Variants in POLRMT observed in about 807,000 individuals in gnomAD.
POLRMT encodes the protein RNA polymerase mitochondrial.
POLRMT carries 114 observed loss-of-function variants against 132.2 expected under a neutral mutation model. The ratio of observed to expected loss-of-function variants is 0.86; its 90% CI spans 0.74 to 1.01. POLRMT has a LOEUF of 1.01. POLRMT is among the 50% of genes least tolerant of loss of function. POLRMT has a pLI of 0.00. For missense variants in POLRMT, 2,003 were observed against 1,729.1 expected (o/e 1.16, Z -2.81); for synonymous variants, 1,020 against 773.4 (o/e 1.32, Z -5.29).
chr19:624,418 C>T (rs1568171571), intron 5 of POLRMT, among the ~76,000 whole-genome samples: 1 of 152,180 alleles, frequency 6.6e-6, no homozygotes. Flanking sequence ...AATTACACCT[C>T]AGTAACAGAC....
chr19:617,469 ATCT>A lies in POLRMT; in HGVS notation c.3590_3592del (p.Lys1197del), dbSNP rs774949234. The A allele has an allele frequency of 2.5e-6, 4 of 1,603,660 alleles. No homozygotes were observed. Among genetic ancestry groups the A allele is most frequent in the South Asian group, 2.2e-5 (2 of 90,834 alleles). ...CTCCTTCAGCTGGCTGGCCTCCAAG[ATCT>A]TCTGGGGCCTGGGGTTGGAAGCAGG... is the stretch of plus-strand genomic sequence containing the variant. On this transcript the variant is annotated inframe_deletion, in exon 20 of 21. Transcript: ENST00000588649.
intron 5 of POLRMT, among the ~76,000 whole-genome samples, chr19:624,274 A>G (rs1180100088): frequency 6.6e-6 from 1 of 151,864 alleles, no homozygotes; most frequent in African/African-American, 2.4e-5. Flanking sequence ...TCATCCACAG[A>G]TGGGGAGGGG....
In POLRMT at chr19:621,630, T is replaced by C; in HGVS notation, c.2068A>G (p.Thr690Ala). ...GCGTCCAGTGCGCCATGCAGCGCGG[T>C]GGGCGGGCAGGTTTCCAGCAGCTCC... The part of the protein sequence containing the change: ...HQELLETCPP[T>A]ALHGALDALT... The change falls in exon 10 of 21, where the codon ACC (threonine) becomes GCC (alanine). Residue 690 changes from threonine (T) to alanine (A), a missense_variant. By Grantham distance (58) the Thr-to-Ala change is moderately conservative (BLOSUM62 0). Coordinates refer to ENST00000588649, the MANE Select transcript of POLRMT (RefSeq NM_005035.4). The C allele has an allele frequency of 4.6e-6, 7 of 1,528,164 alleles. No individual in the cohort carries two copies. Among genetic ancestry groups the C allele is most frequent in the Non-Finnish European group, 3.5e-6 (4 of 1,140,612 alleles). 94.7% of individuals were successfully genotyped at this position (1,528,164 alleles called of 1,614,324 possible). A position where few individuals can be genotyped will look rare whatever the true frequency, so the allele number is the denominator to read the frequency against.
intron 5 of POLRMT, 83 bp from the exon 6 acceptor site, chr19:623,686 G>T: frequency 6.8e-7 from 1 of 1,481,060 alleles, no homozygotes; most frequent in Non-Finnish European, 9.2e-7. Context: ...ATGGGTGCAC[G>T]CGTTTCTGCG....
rs1307232157 is a variant in POLRMT at position 617,777 on chromosome 19, C to T, written c.3495G>A (p.Gln1165=). 1 of 1,613,316 alleles carries T rather than the reference C, an allele frequency of 6.2e-7. No homozygotes were observed. Among genetic ancestry groups the T allele is most frequent in the African/African-American group, 1.3e-5 (1 of 75,024 alleles). The change falls in exon 18 of 21, where the codon CAG becomes CAA. Residue 1165 remains glutamine (Q), a splice_region_variant and synonymous_variant. Transcript: ENST00000588649. The stretch of plus-strand genomic sequence containing the variant: ...ACTGAGGCTCAGACTACGGGGGCAC[C>T]TGGTTCATGACGGAGACATCAGCTG... ...THAADVSVMN[Q]VCREQFVRLH... is the part of the protein sequence containing the mutation.
chr19:619,887 C>T (rs1984368277), intron 12 of POLRMT, 71 bp downstream of exon 12: 1 of 1,590,714 alleles, frequency 6.3e-7, no homozygotes, highest in Non-Finnish European at 8.5e-7. Flanking sequence ...GGTGAGGGCA[C>T]CTGGGGCCGA....
chr19:632,201 C>G (rs960797694), intron 2 of POLRMT, among the ~76,000 whole-genome samples: 1 of 152,168 alleles, frequency 6.6e-6, no homozygotes, highest in African/African-American at 2.4e-5. Flanking sequence ...CCCAAAAGTG[C>G]TGGGATTACA....
Position 623,454 on chromosome 19 carries a change from C to T in POLRMT, c.1290G>A (p.Ala430=). The T allele has an allele frequency of 1.9e-6, 3 of 1,611,312 alleles. No individual in the cohort carries two copies. Among genetic ancestry groups the T allele is most frequent in the Non-Finnish European group, 1.7e-6 (2 of 1,179,834 alleles). ...CACGGGACCCCGGCTCAGCCCCTAC[C>T]GCGTGCTTGACCTCCTTGCTTGGCA... ...PTLPSKEVKH[A]RKTLKTLRDQ... is the part of the protein sequence containing the mutation. Residue 430 remains alanine, a splice_region_variant and synonymous_variant, in exon 6 of 21, where the codon GCG becomes GCA. Transcript: ENST00000588649.
At chr19:620,138 C>A in intron 11 of POLRMT, 58 bp from the exon 12 acceptor site, 1 of 1,526,582 alleles carries the variant, frequency 6.6e-7, no homozygotes, top group South Asian at 1.2e-5. Context: ...CGTGTGGGAC[C>A]CCAAACCACC....
In POLRMT at chr19:617,483, G is replaced by T; in HGVS notation, c.3582-3C>A. ...TGGCCTCCAAGATCTTCTGGGGCCT[G>T]GGGTTGGAAGCAGGGTGGGGTGAGG... On this transcript the variant is annotated splice_region_variant and splice_polypyrimidine_tract_variant and intron_variant, in intron 19 of 20. Transcript: ENST00000588649. The T allele has an allele frequency of 6.2e-7, 1 of 1,611,512 alleles. No homozygotes were observed. The highest frequency in any genetic ancestry group is 8.5e-7 in the Non-Finnish European group (1 of 1,179,716).
intron 1 of POLRMT, 115 bp downstream of exon 1, chr19:633,310 G>T: frequency 7.9e-7 from 1 of 1,260,688 alleles, no homozygotes. Flanking sequence ...GGGTCGGTGG[G>T]CTGCGCACGC....
rs552180890 is a variant in POLRMT, at chr19:629,546, C to T, written c.816G>A (p.Ala272=). ...GGCTCCCGGCTGCACTCACCTGCCG[C>T]GCCCAGCCAAGCATCACGGCGTTGT... ...DMYNAVMLGW[A]RQGAFKELVY... is the part of the protein sequence containing the mutation. The change falls in exon 3 of 21, where the codon GCG becomes GCA. Residue 272 remains alanine (A), a synonymous_variant. Coordinates refer to ENST00000588649, the MANE Select transcript of POLRMT (RefSeq NM_005035.4). 29 of 1,525,216 alleles carry T rather than the reference C, an allele frequency of 1.9e-5. No homozygotes were observed. Among genetic ancestry groups the T allele is most frequent in the African/African-American group, 1.8e-4 (13 of 72,384 alleles). The allele number at this position is 1,525,216 out of a possible 1,614,324, so 94.5% of individuals were successfully genotyped here.
intron 2 of POLRMT, among the ~76,000 whole-genome samples, chr19:632,493 G>C (rs993527140): frequency 6.6e-6 from 1 of 150,590 alleles, no homozygotes. Context: ...GTCAGTTCAG[G>C]GTTCACATCC....
Position 622,994 on chromosome 19 carries a change from G to C in POLRMT, c.1291-9C>G. The C allele has an allele frequency of 1.2e-6, 2 of 1,611,440 alleles. No individual in the cohort carries two copies. Among genetic ancestry groups the C allele is most frequent in the Non-Finnish European group, 8.5e-7 (1 of 1,179,238 alleles). ...GTCTTCAGGGTCTTCCGCTGCGGGG[G>C]ATGAACGGGCCCGGTGAGCCCCGTG... On this transcript the variant is annotated splice_polypyrimidine_tract_variant and intron_variant, in intron 6 of 20. Transcript: ENST00000588649.
At chr19:619,836 A>C in intron 12 of POLRMT, 71 bp from the exon 13 acceptor site, 1 of 1,551,444 alleles carries the variant, frequency 6.4e-7, no homozygotes, top group Non-Finnish European at 8.7e-7. Context: ...GCACCCATGA[A>C]GCCCCCGCCC....
At chr19:628,283 T>C (rs1299809586) in intron 3 of POLRMT, among the ~76,000 whole-genome samples, 1 of 152,238 alleles carries the variant, frequency 6.6e-6, no homozygotes, top group African/African-American at 2.4e-5. Flanking sequence ...TGTTACAGTG[T>C]GGGCTCTCTG....
intron 6 of POLRMT, 93 bp from the exon 7 acceptor site, chr19:623,078 T>C: frequency 1.4e-6 from 2 of 1,421,904 alleles, no homozygotes; most frequent in Non-Finnish European, 9.5e-7. Flanking sequence ...TGCAGAGACC[T>C]CATGGCCCTC....
At chr19:618,032 G>GGGA (rs1056588536) in intron 17 of POLRMT, 183 bp from the exon 18 acceptor site, 5 of 606,470 alleles carry the variant, frequency 8.2e-6, no homozygotes, top group Admixed American at 5.7e-5. Context: ...TCAGTACAGG[G>GGGA]GGAGGAAATG....
In POLRMT at chr19:620,472, T is replaced by C. The variant is rs1394734991; in HGVS notation, c.2656A>G (p.Met886Val). Residue 886 changes from methionine (M) to valine (V), a missense_variant, in exon 11 of 21, where the codon ATG becomes GTG. Transcript: ENST00000588649. ...DQPLTGRKWW[M>V]GAEEPWQTLA... The stretch of plus-strand genomic sequence containing the variant: ...GTCTGCCAGGGTTCCTCCGCGCCCA[T>C]CCACCACTTTCGGCCCTGCGGGGAC... 2 of 1,595,010 alleles carry C rather than the reference T, an allele frequency of 1.3e-6. No individual in the cohort carries two copies. The highest frequency in any genetic ancestry group is 1.1e-5 in the South Asian group (1 of 88,738).
Sources: gnomAD v4.1 joint callset for allele counts (sites outside exome capture counted in the v4.1 genomes callset) on GRCh38, gnomAD v4.1.1 for gene constraint, MANE v1.5 for transcripts, NCBI Gene and HGNC (gene_info 2026-07-23, HGNC 2026-07-21) for gene names.